The following GLS variants were observed in gnomAD, a reference collection of about 807,000 sequenced individuals.
The protein encoded by GLS is glutaminase.
In GLS, 36 loss-of-function variants were observed where a neutral mutation model predicts 86.7. The observed-to-expected ratio is 0.42, with a 90% confidence interval of 0.32 to 0.55. The LOEUF is 0.55. Ranked by LOEUF, GLS falls within the 20% of genes least tolerant of loss-of-function variation. The pLI is 0.17. For missense variants in GLS, 528 were observed against 833.4 expected (o/e 0.63, Z 4.51); for synonymous variants, 317 against 305.9 (o/e 1.04, Z -0.38).
rs1019040240 is a variant in GLS at position 190,935,660 on chromosome 2, G to C, written c.1650+4023G>C. 1.3e-5 allele frequency among the ~76,000 whole-genome samples: 2 copies of C among 151,136 alleles called. No individual in the cohort carries two copies. The highest frequency in any genetic ancestry group is 4.8e-5 in the African/African-American group (2 of 41,338). ...CTGCTTTCTGAGGAGGAATATTGTT[G>C]TTATTCACTATGTAACTCTCATTTT... On this transcript the variant is annotated intron_variant, in intron 14 of 17. Transcript: ENST00000320717. This position sits in a 1 kb window ranked among gnomAD's most constrained non-coding sequence, Gnocchi z 4.2.
At position 190,919,005 on chromosome 2, in the gene GLS, A is replaced by T. The variant is rs139390332; in HGVS notation, c.1039-2019A>T. Among the ~76,000 whole-genome samples the T allele has an allele frequency of 2.0e-5, 3 of 152,122 alleles. No homozygotes were observed. The East Asian group carries it at 5.8e-4, about 29-fold the overall frequency. On this transcript the variant is annotated intron_variant, in intron 7 of 17. Coordinates refer to ENST00000320717, the MANE Select transcript of GLS (RefSeq NM_014905.5). ...CAAAAATGACTGATCACAGATCCCCATAAGACATCTAATAATTATCAAAAT... is the reference window on the plus strand; with the variant it reads ...CAAAAATGACTGATCACAGATCCCCTTAAGACATCTAATAATTATCAAAAT...
Position 190,934,367 on chromosome 2 carries a change from C to T in GLS, c.1650+2730C>T, listed in dbSNP as rs1039377886. ...CCTTCTAGAGGTGCTGGCCAAAAAG[C>T]CTTTTGGGCTAACTTAAGTATTAAA... is the stretch of plus-strand genomic sequence containing the variant. On this transcript the variant is annotated intron_variant, in intron 14 of 17. Coordinates refer to ENST00000320717, the MANE Select transcript of GLS (RefSeq NM_014905.5). 4.2e-6 allele frequency: 4 copies of T among 961,236 alleles called. No homozygotes were observed. In the African/African-American group the frequency reaches 5.3e-5, roughly 13 times the overall value. The allele number at this position is 961,236 out of a possible 1,614,324, so 59.5% of individuals were successfully genotyped here.
At chr2:190,915,410 A>G (rs1311653064) in intron 7 of GLS, among the ~76,000 whole-genome samples, 1 of 152,152 alleles carries the variant, frequency 6.6e-6, no homozygotes, top group African/African-American at 2.4e-5. Context: ...TTTGATAAGT[A>G]TATTTCTTCC....
At chr2:190,945,341 G>GA (rs1291223424) in intron 14 of GLS, among the ~76,000 whole-genome samples, 1 of 152,070 alleles carries the variant, frequency 6.6e-6, no homozygotes, top group African/African-American at 2.4e-5. Flanking sequence ...ACAAATGAGT[G>GA]AAATTATTTC....
intron 14 of GLS, chr2:190,934,302 G>A (rs1690200929): frequency 1.0e-6 from 1 of 963,388 alleles, no homozygotes; most frequent in Non-Finnish European, 1.2e-6. Flanking sequence ...TGATCATAAT[G>A]TCTTAAGTTT....
At chr2:190,892,421 G>A (rs935019160) in intron 1 of GLS, among the ~76,000 whole-genome samples, 11 of 151,944 alleles carry the variant, frequency 7.2e-5, no homozygotes, top group Non-Finnish European at 1.6e-4. Flanking sequence ...GATTCATTTG[G>A]GTTATTAATA....
At chr2:190,881,700 G>T in intron 1 of GLS, 1 of 467,342 alleles carries the variant, frequency 2.1e-6, no homozygotes, top group Non-Finnish European at 3.8e-6. Flanking sequence ...CGCCCCCGGC[G>T]GGGGTCGCCC....
rs6434429 is a variant in GLS, at chr2:190,930,820, G to C, written c.1557+252G>C. ...TAATTTTCATGGTTATAATTAGTAT[G>C]AATTTTCAAAAGCTCAACAAAAGGT... is the stretch of plus-strand genomic sequence containing the variant. On this transcript the variant is annotated intron_variant, in intron 13 of 17. Coordinates refer to ENST00000320717, the MANE Select transcript of GLS (RefSeq NM_014905.5). This position sits in a 1 kb window ranked among gnomAD's most constrained non-coding sequence, Gnocchi z 5.0. Among the ~76,000 whole-genome samples, 140,540 of 152,228 alleles carry C rather than the reference G, an allele frequency of 0.92. 64,938 individuals are homozygous for C. The highest frequency in any genetic ancestry group is 0.94 in the Non-Finnish European group (64,158 of 68,026).
chr2:190,923,680 G>T (rs1342827082), intron 9 of GLS, among the ~76,000 whole-genome samples: 1 of 152,124 alleles, frequency 6.6e-6, no homozygotes, highest in African/African-American at 2.4e-5. Context: ...GACTAGAAAG[G>T]ACCTGAATTC....
At chr2:190,928,489 T>G (rs911849008) in intron 12 of GLS, among the ~76,000 whole-genome samples, 42 of 151,522 alleles carry the variant, frequency 2.8e-4, no homozygotes, top group Admixed American at 1.5e-3. Context: ...CGCCTGCCAC[T>G]GCACCTGGCT....
intron 1 of GLS, among the ~76,000 whole-genome samples, chr2:190,882,480 C>T (rs1314456278): frequency 6.6e-6 from 1 of 152,186 alleles, no homozygotes; most frequent in Non-Finnish European, 1.5e-5. Context: ...ATACCTTACT[C>T]TTTTTCTGGC....
At position 190,950,598 on chromosome 2, in the gene GLS, C is replaced by T. The variant is rs139038317; in HGVS notation, c.1651-2967C>T. ...TCTGGCCAGAAGCAGAAGCACTTCT[C>T]AGCACCACTGGGTAAAGAAGCTCCC... On this transcript the variant is annotated intron_variant, in intron 14 of 17. Coordinates refer to ENST00000320717, the MANE Select transcript of GLS (RefSeq NM_014905.5). 6.4e-3 allele frequency among the ~76,000 whole-genome samples: 974 copies of T among 152,294 alleles called. 9 individuals are homozygous for T. The highest frequency in any genetic ancestry group is 0.022 in the African/African-American group (925 of 41,528).
rs538875987 is a variant in GLS, at chr2:190,895,110, G to A, written c.387-42G>A. The stretch of plus-strand genomic sequence containing the variant: ...GATTTAGTTAAAAATCCAGTAGAAT[G>A]TTCATACAAGGATTAATTTTGTGTT... On this transcript the variant is annotated intron_variant, in intron 1 of 17. Transcript: ENST00000320717. This position sits in a 1 kb window ranked among gnomAD's most constrained non-coding sequence, Gnocchi z 4.2. 1.2e-4 allele frequency: 100 copies of A among 833,054 alleles called. 1 individual carries two copies. The South Asian group carries it at 1.3e-3, about 11-fold the overall frequency. 51.6% of individuals were successfully genotyped at this position (833,054 alleles called of 1,614,324 possible).
chr2:190,933,391 G>A, intron 14 of GLS: 1 of 876,368 alleles, frequency 1.1e-6, no homozygotes, highest in African/African-American at 1.8e-5. Flanking sequence ...ATTAGCTTGT[G>A]TTTACATTTA....
At position 190,891,293 on chromosome 2, in the gene GLS, C is replaced by T. The variant is rs376105330; in HGVS notation, c.387-3859C>T. On this transcript the variant is annotated intron_variant, in intron 1 of 17. Coordinates refer to ENST00000320717, the MANE Select transcript of GLS (RefSeq NM_014905.5). ...AACCTTACTTTAGGGATCTTTATTG[C>T]TATTGCTTGGCATATAATAAGTGGT... is the stretch of plus-strand genomic sequence containing the variant. Among the ~76,000 whole-genome samples, 29 of 152,132 alleles carry T rather than the reference C, an allele frequency of 1.9e-4. No individual in the cohort carries two copies. The South Asian group carries it at 6.0e-3, about 32-fold the overall frequency.
intron 9 of GLS, among the ~76,000 whole-genome samples, chr2:190,922,432 A>G (rs1336327486): frequency 6.6e-6 from 1 of 152,118 alleles, no homozygotes; most frequent in African/African-American, 2.4e-5. Context: ...TATCTTTTCC[A>G]GGAAGTATTC....
intron 17 of GLS, among the ~76,000 whole-genome samples, chr2:190,957,033 A>T (rs1305539254): frequency 2.0e-5 from 3 of 152,196 alleles, no homozygotes; most frequent in Non-Finnish European, 4.4e-5. Context: ...GTAAATATAC[A>T]ATCATGTCAT....
intron 14 of GLS, chr2:190,933,089 T>A: frequency 2.0e-6 from 2 of 980,342 alleles, no homozygotes; most frequent in Non-Finnish European, 2.5e-6. Flanking sequence ...TTTGCTTTAT[T>A]TTTAAAAATA....
At chr2:190,889,282 A>G (rs981177883) in intron 1 of GLS, among the ~76,000 whole-genome samples, 30 of 152,106 alleles carry the variant, frequency 2.0e-4, no homozygotes, top group African/African-American at 7.2e-4. Flanking sequence ...ATTTTTTTAG[A>G]TTGAGGATTA....
Sources: allele counts gnomAD v4.1 joint callset (sites outside exome capture counted in the v4.1 genomes callset), GRCh38; gene constraint gnomAD v4.1.1; non-coding constraint Gnocchi (gnomAD v3.1); transcripts MANE v1.5; gene names NCBI Gene and HGNC (gene_info 2026-07-23, HGNC 2026-07-21).